The following FBXO11 variants were observed in gnomAD, a reference collection of about 807,000 sequenced individuals.
The protein encoded by FBXO11 is F-box only protein 11.
FBXO11 carries 13 observed loss-of-function variants against 117.0 expected under a neutral mutation model. The ratio of observed to expected loss-of-function variants is 0.11; its 90% CI spans 0.07 to 0.18. The LOEUF is 0.18. Ranked by LOEUF, FBXO11 falls within the 10% of genes least tolerant of loss-of-function variation. FBXO11 has a pLI of 1.00. For synonymous variants in FBXO11, 490 were observed against 380.5 expected (o/e 1.29, Z -3.35); for missense variants, 767 against 1,164.4 (o/e 0.66, Z 4.97).
intron 1 of FBXO11, among the ~76,000 whole-genome samples, chr2:47,846,168 G>A (rs899728240): frequency 5.9e-5 from 9 of 152,138 alleles, no homozygotes; most frequent in Non-Finnish European, 8.8e-5. Flanking sequence ...CTAAAAGCAA[G>A]ACCTTAAAAT....
Position 47,901,909 on chromosome 2 carries a change from A to G in FBXO11, c.232+3580T>C, listed in dbSNP as rs532606797. Among the ~76,000 whole-genome samples, 8 of 152,312 alleles carry G rather than the reference A, an allele frequency of 5.3e-5. 1 individual carries two copies. The South Asian group carries it at 1.0e-3, about 20-fold the overall frequency. On this transcript the variant is annotated intron_variant, in intron 1 of 22. Coordinates refer to ENST00000403359, the MANE Select transcript of FBXO11 (RefSeq NM_001190274.2). ...CTACTGTTTCATTAAATCATGGACT[A>G]TATTACCGAATTGTCACTGCGTAAA... is the stretch of plus-strand genomic sequence containing the variant.
At chr2:47,849,187 A>T (rs1673651938) in intron 1 of FBXO11, among the ~76,000 whole-genome samples, 1 of 152,218 alleles carries the variant, frequency 6.6e-6, no homozygotes, top group Non-Finnish European at 1.5e-5. Context: ...ATCAAGATAA[A>T]ATTTAAATAC....
At chr2:47,896,947 G>C (rs1446402316) in intron 1 of FBXO11, among the ~76,000 whole-genome samples, 1 of 152,006 alleles carries the variant, frequency 6.6e-6, no homozygotes, top group Non-Finnish European at 1.5e-5. Flanking sequence ...TCTTTACTAT[G>C]ATAGAAGTCT....
chr2:47,873,950 C>T (rs997478870), intron 1 of FBXO11, among the ~76,000 whole-genome samples: 1 of 152,024 alleles, frequency 6.6e-6, no homozygotes, highest in African/African-American at 2.4e-5. Flanking sequence ...CCCGGTGGCT[C>T]GTCCCTGTAA....
intron 1 of FBXO11, among the ~76,000 whole-genome samples, chr2:47,888,293 G>A (rs541290946): frequency 5.9e-5 from 9 of 152,188 alleles, no homozygotes; most frequent in Admixed American, 1.3e-4. Context: ...GGAATCTGGA[G>A]ACTTGGGCTC....
intron 1 of FBXO11, among the ~76,000 whole-genome samples, chr2:47,884,643 T>C (rs1676679861): frequency 6.6e-6 from 1 of 152,242 alleles, no homozygotes; most frequent in Non-Finnish European, 1.5e-5. Context: ...AGACAGAGAA[T>C]CTCAATGCTG....
At chr2:47,877,737 T>C (rs542455853) in intron 1 of FBXO11, among the ~76,000 whole-genome samples, 25 of 152,348 alleles carry the variant, frequency 1.6e-4, no homozygotes, top group Non-Finnish European at 3.5e-4. Context: ...CAGGCTGGAA[T>C]GCAGTGGTGC....
Position 47,835,654 on chromosome 2 carries a change from T to C in FBXO11, c.717+218A>G, listed in dbSNP as rs867706465. On this transcript the variant is annotated intron_variant, in intron 5 of 22. Transcript: ENST00000403359. ...CTGGGACTACAGGTGTGCGCCACCATGTCCGGCTAATTTTTGTATTTTTAG... is the reference window on the plus strand; with the variant it reads ...CTGGGACTACAGGTGTGCGCCACCACGTCCGGCTAATTTTTGTATTTTTAG... 2.8e-4 allele frequency among the ~76,000 whole-genome samples: 43 copies of C among 152,224 alleles called. 1 individual carries two copies. Among genetic ancestry groups the C allele is most frequent in the Middle Eastern group, 6.8e-3 (2 of 294 alleles).
intron 1 of FBXO11, among the ~76,000 whole-genome samples, chr2:47,861,800 G>C (rs187464714): frequency 2.0e-5 from 3 of 152,290 alleles, no homozygotes; most frequent in Admixed American, 2.0e-4. Flanking sequence ...AGCCATCCTA[G>C]GTCCTTAAGG....
In FBXO11 at chr2:47,905,868, G is replaced by A; in HGVS notation, c.-148C>T. 2.6e-6 allele frequency: 2 copies of A among 756,822 alleles called. No individual in the cohort carries two copies. The highest frequency in any genetic ancestry group is 3.7e-5 in the East Asian group (1 of 27,136). 46.9% of individuals were successfully genotyped at this position (756,822 alleles called of 1,614,324 possible). A position where few individuals can be genotyped will look rare whatever the true frequency, so the allele number is the denominator to read the frequency against. On this transcript the variant is annotated 5_prime_UTR_variant, in exon 1 of 23. Coordinates refer to ENST00000403359, the MANE Select transcript of FBXO11 (RefSeq NM_001190274.2). Reference sequence around the variant, plus strand: ...GGAAGGGGAGACGCTGAGGGCGGAGGGGGCGAGCGGGACCCCGAGTCCGGA... The same window carrying A: ...GGAAGGGGAGACGCTGAGGGCGGAGAGGGCGAGCGGGACCCCGAGTCCGGA...
intron 16 of FBXO11, 71 bp downstream of exon 16, chr2:47,818,708 C>A (rs774877448): frequency 2.1e-5 from 21 of 1,016,028 alleles, no homozygotes; most frequent in Non-Finnish European, 2.9e-5. Context: ...AAACAATAAG[C>A]AAATTTCTTT....
Position 47,905,481 on chromosome 2 carries a change from G to A in FBXO11, c.232+8C>T, listed in dbSNP as rs1273385719. On this transcript the variant is annotated splice_region_variant and intron_variant, in intron 1 of 22. Transcript: ENST00000403359. ...AAGGCGGGCGGTTGGGAGGTAGCGC[G>A]GCCTTACCCCGCTCGCCGACGTTGT... 4 of 1,218,478 alleles carry A rather than the reference G, an allele frequency of 3.3e-6. No individual in the cohort carries two copies. The South Asian group carries it at 1.1e-4, about 32-fold the overall frequency. 75.5% of individuals were successfully genotyped at this position (1,218,478 alleles called of 1,614,324 possible). A position where few individuals can be genotyped will look rare whatever the true frequency, so the allele number is the denominator to read the frequency against.
At chr2:47,862,184 G>A (rs1674830198) in intron 1 of FBXO11, among the ~76,000 whole-genome samples, 1 of 152,172 alleles carries the variant, frequency 6.6e-6, no homozygotes, top group Non-Finnish European at 1.5e-5. Context: ...GCCTCCCAAA[G>A]TGCTGGGACT....
In FBXO11 at chr2:47,832,684, G is replaced by T; in HGVS notation, c.1154-6C>A. On this transcript the variant is annotated splice_polypyrimidine_tract_variant and splice_region_variant and intron_variant, in intron 9 of 22. Coordinates refer to ENST00000403359, the MANE Select transcript of FBXO11 (RefSeq NM_001190274.2). ...AACACATACTGCAGAACCAACTGTA[G>T]AAAAATTATTTATTTATGTAAAAAC... 1 of 1,612,552 alleles carries T rather than the reference G, an allele frequency of 6.2e-7. No individual in the cohort carries two copies. Among genetic ancestry groups the T allele is most frequent in the East Asian group, 2.2e-5 (1 of 44,850 alleles).
chr2:47,897,434 C>T (rs750751738), intron 1 of FBXO11, among the ~76,000 whole-genome samples: 3 of 152,156 alleles, frequency 2.0e-5, no homozygotes, highest in Non-Finnish European at 2.9e-5. Context: ...AGGTGGCTCA[C>T]GCCTGTAATC....
At chr2:47,889,547 GTTTCAAAGTCCTACATTT>G (rs1226175148) in intron 1 of FBXO11, among the ~76,000 whole-genome samples, 10 of 151,818 alleles carry the variant, frequency 6.6e-5, no homozygotes, top group Non-Finnish European at 1.3e-4. Flanking sequence ...CTAAATTCAT[GTTTCAAAGTCCTACATTT>G]TTAAAAAAAT....
intron 5 of FBXO11, among the ~76,000 whole-genome samples, chr2:47,835,411 A>G (rs1481289425): frequency 6.6e-6 from 1 of 152,244 alleles, no homozygotes; most frequent in Non-Finnish European, 1.5e-5. Flanking sequence ...TGCTTACTGT[A>G]CTAACTTATT....
rs1237680149 is a variant in FBXO11, at chr2:47,852,306, A to G, written c.233-12537T>C. ...CGTCTGGCCAGCAACCATTTTATTGAAAGAAGAAAAACGGACCTCACCAGA... is the reference window on the plus strand; with the variant it reads ...CGTCTGGCCAGCAACCATTTTATTGGAAGAAGAAAAACGGACCTCACCAGA... On this transcript the variant is annotated intron_variant, in intron 1 of 22. Transcript: ENST00000403359. 3.3e-5 allele frequency among the ~76,000 whole-genome samples: 5 copies of G among 152,114 alleles called. No individual in the cohort carries two copies. The East Asian group carries it at 9.6e-4, about 29-fold the overall frequency.
intron 1 of FBXO11, among the ~76,000 whole-genome samples, chr2:47,872,309 A>AAAACT (rs1675681603): frequency 6.6e-6 from 1 of 152,232 alleles, no homozygotes; most frequent in South Asian, 2.1e-4. Flanking sequence ...TATTAAAGTC[A>AAAACT]AAACTATTTT....
Sources: gnomAD v4.1 joint callset for allele counts (sites outside exome capture counted in the v4.1 genomes callset) on GRCh38, gnomAD v4.1.1 for gene constraint, MANE v1.5 for transcripts, NCBI Gene and HGNC (gene_info 2026-07-23, HGNC 2026-07-21) for gene names.